Variants in PPP1R21 observed in about 807,000 individuals in gnomAD.
PPP1R21 encodes protein phosphatase 1 regulatory subunit 21, also known as KLRAQ motif containing 1.
PPP1R21 carries 85 observed loss-of-function variants against 112.8 expected under a neutral mutation model. That is an observed-to-expected ratio of 0.75 (90% CI 0.63 to 0.90). The LOEUF is 0.90. Among genes scored for constraint, PPP1R21 ranks in the 40% least tolerant of loss-of-function variants. The pLI is 0.00. For missense variants in PPP1R21, 1,199 were observed against 901.5 expected, an observed-to-expected ratio of 1.33 and a Z score of -4.23; for synonymous variants, 381 against 322.3, an observed-to-expected ratio of 1.18 and a Z score of -1.95.
At chr2:48,441,122 C>T (rs1016081954) in intron 1 of PPP1R21, 112 bp downstream of exon 1, 32 of 733,422 alleles carry the variant, frequency 4.4e-5, no homozygotes, top group African/African-American at 3.6e-4. Context: ...CGAGCGCGCC[C>T]CACCTTTCCC....
intron 7 of PPP1R21, 28 bp downstream of exon 7, chr2:48,461,260 T>G (rs1667964329): frequency 6.7e-7 from 1 of 1,502,946 alleles, no homozygotes; most frequent in Non-Finnish European, 8.8e-7. Flanking sequence ...TTTTCCATTA[T>G]TTGTAACTTT....
intron 13 of PPP1R21, among the ~76,000 whole-genome samples, chr2:48,482,780 C>A (rs1212781196): frequency 2.0e-5 from 3 of 151,190 alleles, no homozygotes; most frequent in Admixed American, 6.6e-5. Context: ...CTTTTTTTTC[C>A]CCTCAACTTT....
In PPP1R21 at chr2:48,492,113, A is replaced by G. The variant is rs547885428; in HGVS notation, c.1599+943A>G. On this transcript the variant is annotated intron_variant, in intron 15 of 21. Transcript: ENST00000294952. ...AATTTGTGCATTTTACTTTTTTCTC[A>G]TCTTTAAACGTTTTAACTATGCAGT... Among the ~76,000 whole-genome samples the G allele has an allele frequency of 4.6e-5, 7 of 152,258 alleles. No individual in the cohort carries two copies. The South Asian group carries it at 1.2e-3, about 27-fold the overall frequency.
chr2:48,465,452 A>G (rs1468991604), intron 8 of PPP1R21, 41 bp from the exon 9 acceptor site: 2 of 1,563,074 alleles, frequency 1.3e-6, no homozygotes, highest in South Asian at 2.4e-5. Context: ...TAGGATAATA[A>G]TTTGAGAGTT....
chr2:48,508,597 T>TA (rs897329937), intron 19 of PPP1R21, among the ~76,000 whole-genome samples: 1 of 152,214 alleles, frequency 6.6e-6, no homozygotes, highest in African/African-American at 2.4e-5. Context: ...GCTGAATCAC[T>TA]AAGCCGGCAG....
At chr2:48,469,262 TGTGTGTG>T (rs1452698047) in intron 9 of PPP1R21, among the ~76,000 whole-genome samples, 5 of 4,624 alleles carry the variant, frequency 1.1e-3, no homozygotes, top group African/African-American at 3.2e-3. Flanking sequence ...ATATTTGAAT[TGTGTGTG>T]TGTGTGTGTG....
chr2:48,455,545 A>G (rs1413398244), intron 3 of PPP1R21, among the ~76,000 whole-genome samples: 1 of 152,178 alleles, frequency 6.6e-6, no homozygotes, highest in East Asian at 1.9e-4. Flanking sequence ...CATTTATATG[A>G]TAGTCAATTT....
At chr2:48,477,864 C>A (rs1456949378) in intron 12 of PPP1R21, among the ~76,000 whole-genome samples, 1 of 152,088 alleles carries the variant, frequency 6.6e-6, no homozygotes, top group Non-Finnish European at 1.5e-5. Flanking sequence ...GAAATTCTAA[C>A]TGTCAGTACC....
At chr2:48,454,960 C>G (rs1221121262) in intron 3 of PPP1R21, among the ~76,000 whole-genome samples, 2 of 152,126 alleles carry the variant, frequency 1.3e-5, no homozygotes, top group Non-Finnish European at 2.9e-5. Flanking sequence ...ACCTCCGCCC[C>G]CAGAGTGGCT....
At chr2:48,441,937 A>ATT (rs1667048711) in intron 1 of PPP1R21, among the ~76,000 whole-genome samples, 1 of 152,218 alleles carries the variant, frequency 6.6e-6, no homozygotes, top group South Asian at 2.1e-4. Context: ...ATTCCTTAAG[A>ATT]TTTCATTCGA....
At chr2:48,448,065 C>A (rs919674444) in intron 1 of PPP1R21, among the ~76,000 whole-genome samples, 2 of 151,922 alleles carry the variant, frequency 1.3e-5, no homozygotes, top group African/African-American at 4.8e-5. Flanking sequence ...AGAAGTGATG[C>A]TGAAATGCAG....
intron 17 of PPP1R21, among the ~76,000 whole-genome samples, chr2:48,499,623 C>G (rs113615157): frequency 2.6e-5 from 4 of 152,092 alleles, no homozygotes; most frequent in Non-Finnish European, 5.9e-5. Context: ...ACAATTTTAA[C>G]CCAATTTTCT....
rs773720763 is a variant in PPP1R21 at position 48,465,005 on chromosome 2, CAT to C, written c.747+17_747+18del. The C allele has an allele frequency of 5.2e-6, 8 of 1,552,904 alleles. No individual in the cohort carries two copies. In the African/African-American group the frequency reaches 1.0e-4, roughly 19 times the overall value. The stretch of plus-strand genomic sequence containing the variant: ...GAGACACCAGGTAAAGGATGAAGTA[CAT>C]GTTTTTATTTTCAGTTATATATACA... On this transcript the variant is annotated intron_variant, in intron 8 of 21. Transcript: ENST00000294952.
intron 9 of PPP1R21, among the ~76,000 whole-genome samples, chr2:48,467,854 A>T (rs1219838150): frequency 6.6e-6 from 1 of 152,206 alleles, no homozygotes. Flanking sequence ...ACAGGGTGGA[A>T]ATTGAGGGAA....
intron 11 of PPP1R21, among the ~76,000 whole-genome samples, chr2:48,473,382 T>C (rs1668610400): frequency 6.6e-6 from 1 of 152,210 alleles, no homozygotes; most frequent in African/African-American, 2.4e-5. Flanking sequence ...AGAATCTGTT[T>C]AAGAACCATT....
At chr2:48,463,658 G>A (rs1668076454) in intron 7 of PPP1R21, among the ~76,000 whole-genome samples, 1 of 152,162 alleles carries the variant, frequency 6.6e-6, no homozygotes, top group Non-Finnish European at 1.5e-5. Flanking sequence ...GAGACTCACT[G>A]TGGACACAAG....
chr2:48,441,808 C>G (rs555708307), intron 1 of PPP1R21, among the ~76,000 whole-genome samples: 149 of 152,312 alleles, frequency 9.8e-4, no homozygotes, highest in African/African-American at 3.5e-3. Context: ...CAGAATTTTA[C>G]ATCTTTGGAA....
intron 2 of PPP1R21, among the ~76,000 whole-genome samples, chr2:48,453,214 A>G (rs1667560430): frequency 6.6e-6 from 1 of 152,296 alleles, no homozygotes; most frequent in African/African-American, 2.4e-5. Context: ...TTAGCCTCCC[A>G]AAGTGCTGGG....
Position 48,454,754 on chromosome 2 carries a change from A to C in PPP1R21, c.273+13A>C. 6.2e-7 allele frequency: 1 copy of C among 1,609,270 alleles called. No individual in the cohort carries two copies. The highest frequency in any genetic ancestry group is 1.7e-5 in the Admixed American group (1 of 60,014). On this transcript the variant is annotated intron_variant, in intron 3 of 21. Coordinates refer to ENST00000294952, the MANE Select transcript of PPP1R21 (RefSeq NM_001135629.3). ...CAAGAAAAACAAGGTAGGTTCAAATACAGGCAAGTTAGTGTGACCTTGTCG... is the reference window on the plus strand; with the variant it reads ...CAAGAAAAACAAGGTAGGTTCAAATCCAGGCAAGTTAGTGTGACCTTGTCG...
Sources: allele counts gnomAD v4.1 joint callset (sites outside exome capture counted in the v4.1 genomes callset), GRCh38; gene constraint gnomAD v4.1.1; transcripts MANE v1.5; gene names NCBI Gene and HGNC (gene_info 2026-07-23, HGNC 2026-07-21).